Variants in CDH13 observed in about 807,000 individuals in gnomAD.
The protein encoded by CDH13 is cadherin 13.
CDH13 carries 24 observed loss-of-function variants against 63.8 expected under a neutral mutation model. The ratio of observed to expected loss-of-function variants is 0.38; its 90% CI spans 0.27 to 0.53. The LOEUF (loss-of-function observed/expected upper bound fraction) is 0.53, where lower values mean the gene tolerates loss of function less well. CDH13 is among the 20% of genes least tolerant of loss of function. The pLI is 0.85. For missense variants in CDH13, 1,049 were observed against 903.1 expected (o/e 1.16, Z -2.07); for synonymous variants, 503 against 355.3 (o/e 1.42, Z -4.67).
intron 11 of CDH13, among the ~76,000 whole-genome samples, chr16:83,774,873 C>A (rs1915000315): frequency 6.6e-6 from 1 of 152,054 alleles, no homozygotes; most frequent in African/African-American, 2.4e-5. Flanking sequence ...GATGTTCCCA[C>A]AACAATTTGA....
intron 8 of CDH13, among the ~76,000 whole-genome samples, chr16:83,644,933 CA>C (rs1911650749): frequency 6.6e-6 from 1 of 152,194 alleles, no homozygotes; most frequent in African/African-American, 2.4e-5. Flanking sequence ...GGCTAATGAT[CA>C]GGAGGGAGGT....
intron 6 of CDH13, among the ~76,000 whole-genome samples, chr16:83,412,596 T>A (rs78011321): frequency 0.011 from 1,606 of 152,274 alleles, 23 homozygotes; most frequent in African/African-American, 0.031. Flanking sequence ...CCCATCTTTA[T>A]TTGTGGTCCC....
chr16:83,170,930 C>G (rs2151728341), intron 4 of CDH13, among the ~76,000 whole-genome samples: 1 of 152,206 alleles, frequency 6.6e-6, no homozygotes, highest in Admixed American at 6.6e-5. Flanking sequence ...CCTTGGCCCT[C>G]TTCCATCGTC....
intron 7 of CDH13, among the ~76,000 whole-genome samples, chr16:83,590,552 A>G (rs1480032857): frequency 6.6e-6 from 1 of 152,160 alleles, no homozygotes. Context: ...AAAGCAGGCG[A>G]GATGCTGTTT....
intron 3 of CDH13, among the ~76,000 whole-genome samples, chr16:83,035,608 A>T (rs1250749737): frequency 6.6e-6 from 1 of 152,174 alleles, no homozygotes; most frequent in East Asian, 1.9e-4. Flanking sequence ...GAGCCTGGGC[A>T]GCCTGGCCCC....
At chr16:83,142,097 G>C (rs2036555429) in intron 4 of CDH13, among the ~76,000 whole-genome samples, 1 of 151,808 alleles carries the variant, frequency 6.6e-6, no homozygotes, top group South Asian at 2.1e-4. Context: ...CGGGCTATCT[G>C]GTGAGCATAA....
rs1294285105 is a variant in CDH13, at chr16:83,143,289, A to G, written c.483+17788A>G. 2.0e-5 allele frequency among the ~76,000 whole-genome samples: 3 copies of G among 152,240 alleles called. No individual in the cohort carries two copies. In the South Asian group the frequency reaches 6.2e-4, roughly 32 times the overall value. ...TATTTGATCCAATATGTCAAGTACC[A>G]TTAAATGGATAAAATGATAAATTTG... On this transcript the variant is annotated intron_variant, in intron 4 of 13. Transcript: ENST00000567109.
At chr16:82,823,005 G>T (rs1264018502) in intron 1 of CDH13, among the ~76,000 whole-genome samples, 1 of 152,152 alleles carries the variant, frequency 6.6e-6, no homozygotes, top group Admixed American at 6.5e-5. Context: ...TGAGGGTTGA[G>T]GCTGGAACTG....
intron 2 of CDH13, among the ~76,000 whole-genome samples, chr16:82,862,659 G>C (rs961265690): frequency 2.0e-5 from 3 of 152,168 alleles, no homozygotes; most frequent in South Asian, 2.1e-4. Context: ...CACAGCATCT[G>C]AATTTACCTA....
intron 6 of CDH13, among the ~76,000 whole-genome samples, chr16:83,436,167 C>G (rs967230312): frequency 7.2e-5 from 11 of 152,288 alleles, no homozygotes; most frequent in African/African-American, 2.2e-4. Context: ...GCTCTAGAAA[C>G]TGCCAAAGAA....
chr16:83,676,849 C>G (rs148251350), intron 9 of CDH13, among the ~76,000 whole-genome samples: 5 of 152,330 alleles, frequency 3.3e-5, no homozygotes, highest in Non-Finnish European at 7.3e-5. Flanking sequence ...TAAAGACACT[C>G]TGACCCAACC....
At chr16:83,772,497 C>G (rs1230790443) in intron 11 of CDH13, among the ~76,000 whole-genome samples, 1 of 152,204 alleles carries the variant, frequency 6.6e-6, no homozygotes, top group Admixed American at 6.5e-5. Flanking sequence ...ACTTATAACA[C>G]TGAATATAGG....
At chr16:83,612,654 CTAATAACTTATTAGTT>C (rs1192149304) in intron 8 of CDH13, among the ~76,000 whole-genome samples, 4 of 151,882 alleles carry the variant, frequency 2.6e-5, no homozygotes, top group Admixed American at 2.6e-4. Context: ...ATATTCAGCT[CTAATAACTTATTAGTT>C]ATACTTCATT....
intron 7 of CDH13, among the ~76,000 whole-genome samples, chr16:83,555,288 A>C (rs1212709311): frequency 6.6e-6 from 1 of 152,194 alleles, no homozygotes; most frequent in Non-Finnish European, 1.5e-5. Context: ...TGCTGCTCAA[A>C]GTACAGTCCA....
chr16:83,619,904 G>A (rs534468853), intron 8 of CDH13, among the ~76,000 whole-genome samples: 94 of 152,282 alleles, frequency 6.2e-4, no homozygotes, highest in Non-Finnish European at 9.6e-4. Flanking sequence ...GGAAGCGTCC[G>A]TGGGAAGACC....
At chr16:83,682,988 A>G (rs142793065) in intron 10 of CDH13, among the ~76,000 whole-genome samples, 35 of 152,306 alleles carry the variant, frequency 2.3e-4, no homozygotes, top group African/African-American at 7.5e-4. Context: ...CTCCTGGGCC[A>G]CGTCCTGCCT....
At chr16:83,449,591 A>G (rs1365690569) in intron 6 of CDH13, among the ~76,000 whole-genome samples, 2 of 152,188 alleles carry the variant, frequency 1.3e-5, no homozygotes, top group Non-Finnish European at 2.9e-5. Flanking sequence ...CAGTTCTTTC[A>G]GAGTCATTTA....
chr16:83,004,099 C>A (rs533970890), intron 2 of CDH13, among the ~76,000 whole-genome samples: 6 of 152,298 alleles, frequency 3.9e-5, no homozygotes, highest in Admixed American at 2.0e-4. Flanking sequence ...AGGAAATTTT[C>A]TTGGGTTAAT....
chr16:82,977,446 C>G (rs567856726), intron 2 of CDH13, among the ~76,000 whole-genome samples: 1 of 152,266 alleles, frequency 6.6e-6, no homozygotes, highest in East Asian at 1.9e-4. Context: ...ATGGGAGGAA[C>G]CTAGTGGGAG....
Sources: gnomAD v4.1 joint callset for allele counts (sites outside exome capture counted in the v4.1 genomes callset) on GRCh38, gnomAD v4.1.1 for gene constraint, MANE v1.5 for transcripts, NCBI Gene and HGNC (gene_info 2026-07-23, HGNC 2026-07-21) for gene names.